The following SNX13 variants were observed in gnomAD, a reference collection of about 807,000 sequenced individuals.
SNX13 encodes the protein sorting nexin-13.
Under a neutral mutation model 133.6 loss-of-function variants are expected in SNX13, and 45 were observed. The observed-to-expected ratio is 0.34, with a 90% CI of 0.27 to 0.43. The LOEUF (loss-of-function observed/expected upper bound fraction) is 0.43. Ranked by LOEUF, SNX13 falls within the 20% of genes least tolerant of loss-of-function variation. The pLI is 1.00. For synonymous variants in SNX13, 414 were observed against 373.9 expected, an observed-to-expected ratio of 1.11 and a Z score of -1.24; for missense variants, 1,032 against 1,145.1, an observed-to-expected ratio of 0.90 and a Z score of 1.43.
At chr7:17,919,886 T>TC (rs1414844029) in intron 1 of SNX13, among the ~76,000 whole-genome samples, 6 of 152,130 alleles carry the variant, frequency 3.9e-5, no homozygotes, top group African/African-American at 1.4e-4. Flanking sequence ...ATCCCAGGAC[T>TC]TTGGGAGGCC....
At chr7:17,911,804 T>A (rs1799016684) in intron 1 of SNX13, among the ~76,000 whole-genome samples, 1 of 152,030 alleles carries the variant, frequency 6.6e-6, no homozygotes. Context: ...AGGATAGAAA[T>A]CAGAGAATCA....
intron 5 of SNX13, among the ~76,000 whole-genome samples, chr7:17,883,983 T>C (rs983525969): frequency 1.3e-5 from 2 of 152,222 alleles, no homozygotes; most frequent in South Asian, 4.1e-4. Flanking sequence ...TGTGCTACAA[T>C]GGCAGAATTT....
intron 22 of SNX13, among the ~76,000 whole-genome samples, chr7:17,800,482 C>G (rs926405269): frequency 4.6e-5 from 7 of 151,756 alleles, no homozygotes; most frequent in Admixed American, 1.3e-4. Context: ...ATACTTCAAT[C>G]CATATACAAA....
At chr7:17,827,670 A>T (rs964431517) in intron 16 of SNX13, among the ~76,000 whole-genome samples, 4 of 151,954 alleles carry the variant, frequency 2.6e-5, no homozygotes, top group African/African-American at 9.6e-5. Flanking sequence ...GACTTTAACC[A>T]TATCAACTAC....
At chr7:17,832,322 T>C (rs1197030260) in intron 15 of SNX13, 3 of 984,466 alleles carry the variant, frequency 3.0e-6, no homozygotes, top group African/African-American at 3.5e-5. Flanking sequence ...TAGAAATCCA[T>C]TTAAAGGACT....
chr7:17,879,009 C>G (rs538005592), intron 5 of SNX13, among the ~76,000 whole-genome samples: 4 of 152,256 alleles, frequency 2.6e-5, no homozygotes, highest in Admixed American at 2.6e-4. Flanking sequence ...GTCAATTCCA[C>G]ATGCCAACCT....
At chr7:17,916,191 T>C (rs201799082) in intron 1 of SNX13, among the ~76,000 whole-genome samples, 7 of 151,590 alleles carry the variant, frequency 4.6e-5, no homozygotes, top group East Asian at 2.0e-4. Flanking sequence ...ACCAAGGAGA[T>C]AGACGTCCAA....
intron 15 of SNX13, chr7:17,831,975 G>A (rs1346314213): frequency 4.1e-6 from 4 of 982,594 alleles, no homozygotes; most frequent in African/African-American, 3.5e-5. Flanking sequence ...TTTTTTGAAT[G>A]GTTTCAAAAA....
chr7:17,807,293 G>C (rs970350949), intron 20 of SNX13, among the ~76,000 whole-genome samples: 1 of 152,104 alleles, frequency 6.6e-6, no homozygotes, highest in African/African-American at 2.4e-5. Context: ...CAGCTAGGTG[G>C]GGGGAGGGGC....
At chr7:17,805,254 T>TGCGCGCGCGCGCGCGC (rs56000068) in intron 20 of SNX13, among the ~76,000 whole-genome samples, 2,040 of 132,430 alleles carry the variant, frequency 0.015, 82 homozygotes, top group Non-Finnish European at 0.023. Context: ...TGTGTGTGCG[T>TGCGCGCGCGCGCGCGC]GCGCGCGCGC....
chr7:17,923,793 T>C (rs1800415475), intron 1 of SNX13, among the ~76,000 whole-genome samples: 1 of 152,186 alleles, frequency 6.6e-6, no homozygotes, highest in East Asian at 1.9e-4. Context: ...CACTGCAGAA[T>C]TTAAAGTTAC....
chr7:17,865,158 A>G (rs1212357657), intron 9 of SNX13, among the ~76,000 whole-genome samples: 1 of 152,242 alleles, frequency 6.6e-6, no homozygotes, highest in East Asian at 1.9e-4. Flanking sequence ...AAATCACCTG[A>G]AAGTATAAAA....
intron 1 of SNX13, chr7:17,899,668 CTT>C (rs763005034): frequency 4.6e-5 from 7 of 151,942 alleles, no homozygotes; most frequent in Non-Finnish European, 7.4e-5. Flanking sequence ...ATTTTAATCT[CTT>C]TGTTAAATTT....
chr7:17,897,576 T>C (rs1797342796), intron 1 of SNX13, 130 bp from the exon 2 acceptor site: 3 of 518,076 alleles, frequency 5.8e-6, no homozygotes, highest in African/African-American at 3.9e-5. Context: ...TCAGTAACTT[T>C]TGAAAATGTG....
At chr7:17,847,764 C>A (rs1220228232) in intron 11 of SNX13, among the ~76,000 whole-genome samples, 1 of 152,170 alleles carries the variant, frequency 6.6e-6, no homozygotes, top group African/African-American at 2.4e-5. Context: ...TAAGATTTTT[C>A]TCCACTACTC....
At chr7:17,813,309 A>G (rs1786272033) in intron 20 of SNX13, among the ~76,000 whole-genome samples, 1 of 152,234 alleles carries the variant, frequency 6.6e-6, no homozygotes, top group African/African-American at 2.4e-5. Flanking sequence ...ATGGAACACT[A>G]AAATGCATCT....
At position 17,796,904 on chromosome 7, in the gene SNX13, G is replaced by A. The variant is rs750665982; in HGVS notation, c.2549C>T (p.Ala850Val). The A allele has an allele frequency of 4.3e-6, 7 of 1,610,866 alleles. No individual in the cohort carries two copies. In the East Asian group the frequency reaches 1.6e-4, roughly 36 times the overall value. The stretch of plus-strand genomic sequence containing the variant: ...AATACTTTTATCTCTGCATGGAACA[G>A]CCTCTGCTAAAATGCCATTTGGCCA... ...AFWPNGILAE[A>V]VPCRDKSIRM... Residue 850 changes from alanine (A) to valine (V), a missense_variant, in exon 25 of 26, where the codon GCT becomes GTT. Transcript: ENST00000428135.
chr7:17,898,381 A>G (rs1797449004), intron 1 of SNX13: 1 of 152,186 alleles, frequency 6.6e-6, no homozygotes, highest in Non-Finnish European at 1.5e-5. Context: ...AACAAAATTA[A>G]TGACCAAAAA....
intron 2 of SNX13, among the ~76,000 whole-genome samples, chr7:17,894,358 A>G (rs547803672): frequency 4.4e-4 from 67 of 152,228 alleles, no homozygotes; most frequent in African/African-American, 1.5e-3. Flanking sequence ...ATAACCATGG[A>G]TAAAGACAAA....
Sources: gnomAD v4.1 joint callset for allele counts (sites outside exome capture counted in the v4.1 genomes callset) on GRCh38, gnomAD v4.1.1 for gene constraint, MANE v1.5 for transcripts, NCBI Gene and HGNC (gene_info 2026-07-23, HGNC 2026-07-21) for gene names.